GPHN: variants seen among roughly 807,000 people sequenced by gnomAD.
GPHN encodes the protein gephyrin.
GPHN carries 17 observed loss-of-function variants against 95.5 expected under a neutral mutation model. The ratio of observed to expected loss-of-function variants is 0.18; its 90% CI spans 0.12 to 0.27. The LOEUF (loss-of-function observed/expected upper bound fraction) is 0.27. Among genes scored for constraint, GPHN ranks in the 10% least tolerant of loss-of-function variants. GPHN has a pLI of 1.00. For synonymous variants in GPHN, 320 were observed against 322.5 expected (o/e 0.99, Z 0.08); for missense variants, 660 against 978.1 (o/e 0.67, Z 4.34).
At chr14:67,532,044 T>A in the GPHN span, among the ~76,000 whole-genome samples, 1 of 151,992 alleles carries the variant, frequency 6.6e-6, no homozygotes, top group African/African-American at 2.4e-5. Context: ...TCCCACAAAA[T>A]GGGGCTAATC....
chr14:67,195,309 C>T, the GPHN span, among the ~76,000 whole-genome samples: 4 of 152,134 alleles, frequency 2.6e-5, no homozygotes, highest in Non-Finnish European at 5.9e-5. Context: ...TCTCTCATTT[C>T]CTCCTCCCTC....
chr14:67,508,450 G>C, the GPHN span, among the ~76,000 whole-genome samples: 1 of 152,084 alleles, frequency 6.6e-6, no homozygotes, highest in African/African-American at 2.4e-5. Context: ...GAGTCACTGA[G>C]CTGTGAGGAG....
At chr14:66,924,005 A>G (rs925323751) in intron 7 of GPHN, among the ~76,000 whole-genome samples, 189 bp from the exon 8 acceptor site, 1 of 152,186 alleles carries the variant, frequency 6.6e-6, no homozygotes, top group Non-Finnish European at 1.5e-5. Flanking sequence ...GAAGTGCCAT[A>G]AATTTCAATC....
At chr14:66,881,916 A>G (rs1009892749) in intron 5 of GPHN, among the ~76,000 whole-genome samples, 1 of 151,838 alleles carries the variant, frequency 6.6e-6, no homozygotes, top group Admixed American at 6.6e-5. Context: ...GATTTAACCA[A>G]GAATATATTT....
At chr14:67,617,938 C>T in the GPHN span, among the ~76,000 whole-genome samples, 5 of 152,122 alleles carry the variant, frequency 3.3e-5, no homozygotes, top group African/African-American at 1.2e-4. Context: ...AGGCTGGTCT[C>T]AAACTCCTGA....
intron 3 of GPHN, among the ~76,000 whole-genome samples, chr14:66,797,864 A>C (rs2060213749): frequency 6.6e-6 from 1 of 151,956 alleles, no homozygotes; most frequent in Non-Finnish European, 1.5e-5. Context: ...TACTATGTTG[A>C]GTAACACTGA....
chr14:67,269,652 A>G, the GPHN span: 1 of 152,512 alleles, frequency 6.6e-6, no homozygotes, highest in African/African-American at 2.4e-5. Flanking sequence ...CCCCCAAAAC[A>G]CTGCAGACAT....
intron 13 of GPHN, among the ~76,000 whole-genome samples, chr14:67,107,424 A>G (rs2153683541): frequency 6.6e-6 from 1 of 152,284 alleles, no homozygotes; most frequent in Non-Finnish European, 1.5e-5. Context: ...CAAAGAACCA[A>G]GGTTTATGAC....
chr14:66,516,419 C>T (rs904302362), intron 1 of GPHN, among the ~76,000 whole-genome samples: 1 of 152,150 alleles, frequency 6.6e-6, no homozygotes, highest in Non-Finnish European at 1.5e-5. Context: ...ACTTGCCCTT[C>T]CTCTTCCTGC....
At chr14:67,604,188 C>T in the GPHN span, among the ~76,000 whole-genome samples, 3 of 152,148 alleles carry the variant, frequency 2.0e-5, no homozygotes, top group Admixed American at 2.0e-4. Flanking sequence ...AATGTCTGTT[C>T]CATCTTTCAG....
At chr14:67,478,085 C>G in the GPHN span, among the ~76,000 whole-genome samples, 1 of 152,378 alleles carries the variant, frequency 6.6e-6, no homozygotes, top group South Asian at 2.1e-4. Context: ...TGGCCTAAAA[C>G]AACTACCGTC....
chr14:66,771,310 C>T (rs909473600), intron 2 of GPHN, among the ~76,000 whole-genome samples: 3 of 152,146 alleles, frequency 2.0e-5, no homozygotes, highest in African/African-American at 7.2e-5. Context: ...TGTAATCAAT[C>T]GAATACTCTA....
intron 1 of GPHN, among the ~76,000 whole-genome samples, chr14:66,527,990 T>G (rs1432324985): frequency 2.6e-5 from 4 of 152,184 alleles, no homozygotes; most frequent in Non-Finnish European, 5.9e-5. Context: ...GTCTGCTTGG[T>G]CCAGAGCTGA....
intron 1 of GPHN, among the ~76,000 whole-genome samples, chr14:66,547,481 A>G (rs902075332): frequency 2.0e-5 from 3 of 152,266 alleles, no homozygotes; most frequent in African/African-American, 7.2e-5. Context: ...GGGAGAAAAT[A>G]TAGTTACACA....
intron 21 of GPHN, among the ~76,000 whole-genome samples, chr14:67,177,376 A>C (rs974578033): frequency 4.6e-5 from 7 of 152,156 alleles, no homozygotes; most frequent in Non-Finnish European, 1.0e-4. Context: ...GTTTCCATGT[A>C]GTTGTGTGGT....
the GPHN span, among the ~76,000 whole-genome samples, chr14:67,479,448 T>G: frequency 6.7e-6 from 1 of 148,602 alleles, no homozygotes; most frequent in Non-Finnish European, 1.5e-5. Context: ...CTGGGTGCAG[T>G]AGCTCATGCC....
the GPHN span, among the ~76,000 whole-genome samples, chr14:67,685,837 A>C: frequency 3.9e-5 from 6 of 151,972 alleles, no homozygotes; most frequent in African/African-American, 1.4e-4. Flanking sequence ...ACTGGTCTTG[A>C]ACTCCTGACT....
At chr14:67,448,805 A>T in the GPHN span, among the ~76,000 whole-genome samples, 1 of 152,212 alleles carries the variant, frequency 6.6e-6, no homozygotes, top group Admixed American at 6.5e-5. Flanking sequence ...GAGTAGGGCA[A>T]TGAGGAAAAG....
chr14:66,942,406 C>A (rs576819585), intron 8 of GPHN, among the ~76,000 whole-genome samples: 1 of 152,260 alleles, frequency 6.6e-6, no homozygotes, highest in East Asian at 1.9e-4. Flanking sequence ...GTCACTATCT[C>A]CAAAGTTATT....
Sources: allele counts gnomAD v4.1 joint callset (sites outside exome capture counted in the v4.1 genomes callset), GRCh38; gene constraint gnomAD v4.1.1; transcripts MANE v1.5; gene names NCBI Gene and HGNC (gene_info 2026-07-23, HGNC 2026-07-21).